Variants in GRM8 observed in about 807,000 individuals in gnomAD.
GRM8 encodes the protein metabotropic glutamate receptor 8.
GRM8 carries 47 observed loss-of-function variants against 87.2 expected under a neutral mutation model. That is an observed-to-expected ratio of 0.54 (90% CI 0.43 to 0.69). GRM8 has a LOEUF of 0.69. GRM8 is among the 30% of genes least tolerant of loss of function. The pLI is 0.00. For synonymous variants in GRM8, 396 were observed against 404.5 expected (o/e 0.98, Z 0.25); for missense variants, 1,019 against 1,139.2 (o/e 0.89, Z 1.52).
In GRM8 at chr7:126,542,003, G is replaced by A. The variant is rs116860395; in HGVS notation, c.1495-8116C>T. 3.0e-4 allele frequency among the ~76,000 whole-genome samples: 46 copies of A among 152,298 alleles called. No homozygotes were observed. In the East Asian group the frequency reaches 8.1e-3, roughly 27 times the overall value. On this transcript the variant is annotated intron_variant, in intron 8 of 10. Coordinates refer to ENST00000339582, the MANE Select transcript of GRM8 (RefSeq NM_000845.3). ...TGGGACATTATCCAATATAACTGAT[G>A]TTTTTACAAGAAGACAGAATTAGGA...
intron 7 of GRM8, among the ~76,000 whole-genome samples, chr7:126,664,245 TC>T (rs1286810504): frequency 6.6e-6 from 1 of 152,184 alleles, no homozygotes. Flanking sequence ...GCTATTCCTA[TC>T]AAATTATCAA....
chr7:126,487,011 C>G (rs1807447818), intron 9 of GRM8, among the ~76,000 whole-genome samples: 1 of 152,050 alleles, frequency 6.6e-6, no homozygotes, highest in African/African-American at 2.4e-5. Context: ...AGAGGTACTA[C>G]AGACTAGTGC....
intron 8 of GRM8, among the ~76,000 whole-genome samples, chr7:126,554,711 T>C (rs955937829): frequency 2.0e-5 from 3 of 152,162 alleles, no homozygotes; most frequent in African/African-American, 7.2e-5. Flanking sequence ...GAAAGTATAG[T>C]TAAACAAAAT....
chr7:126,851,953 G>A lies in GRM8; in HGVS notation c.1156+50589C>T, dbSNP rs746800885. Reference sequence around the variant, plus strand: ...CAGCTGTATAAAGAGTACTCAGTACGTATTTGTTGCTCGAGTGCTGTATTG... The same window carrying A: ...CAGCTGTATAAAGAGTACTCAGTACATATTTGTTGCTCGAGTGCTGTATTG... On this transcript the variant is annotated intron_variant, in intron 6 of 10. Transcript: ENST00000339582. Among the ~76,000 whole-genome samples the A allele has an allele frequency of 4.7e-4, 72 of 152,238 alleles. 1 individual carries two copies. The highest frequency in any genetic ancestry group is 1.1e-3 in the African/African-American group (45 of 41,546).
intron 9 of GRM8, among the ~76,000 whole-genome samples, chr7:126,484,657 C>T (rs1235674784): frequency 2.0e-5 from 3 of 151,994 alleles, no homozygotes; most frequent in Non-Finnish European, 4.4e-5. Context: ...CATATTTTAA[C>T]ATTAGTACAG....
At chr7:127,024,005 C>T (rs17865857) in intron 3 of GRM8, among the ~76,000 whole-genome samples, 1,683 of 152,192 alleles carry the variant, frequency 0.011, 27 homozygotes, top group African/African-American at 0.037. Context: ...TCACGTGTTC[C>T]TTTTGATATT....
intron 7 of GRM8, among the ~76,000 whole-genome samples, chr7:126,620,014 T>C (rs1269722183): frequency 6.7e-6 from 1 of 149,852 alleles, no homozygotes; most frequent in Non-Finnish European, 1.5e-5. Flanking sequence ...TTTTTTAAAA[T>C]GGTTTTCACA....
chr7:126,730,673 C>T (rs777137276), intron 7 of GRM8, among the ~76,000 whole-genome samples: 26 of 151,876 alleles, frequency 1.7e-4, no homozygotes, highest in Non-Finnish European at 2.5e-4. Flanking sequence ...GAGAAGGGAA[C>T]GTGAAAGATA....
chr7:126,756,879 A>C (rs1162654818), intron 7 of GRM8, among the ~76,000 whole-genome samples: 2 of 152,132 alleles, frequency 1.3e-5, no homozygotes, highest in African/African-American at 4.8e-5. Flanking sequence ...CTGCTCTACA[A>C]AATGAAGTTT....
intron 9 of GRM8, among the ~76,000 whole-genome samples, chr7:126,448,926 A>G (rs1802314988): frequency 6.6e-6 from 1 of 151,846 alleles, no homozygotes; most frequent in Non-Finnish European, 1.5e-5. Context: ...AGGAAAAATA[A>G]TAACAGGTAC....
chr7:126,812,069 G>A (rs183971362), intron 6 of GRM8, among the ~76,000 whole-genome samples: 11 of 151,804 alleles, frequency 7.2e-5, no homozygotes, highest in East Asian at 1.9e-4. Context: ...CCCTGAGTTC[G>A]CCACTATGCA....
At chr7:127,142,303 C>T (rs1321901972) in intron 2 of GRM8, among the ~76,000 whole-genome samples, 1 of 152,094 alleles carries the variant, frequency 6.6e-6, no homozygotes, top group South Asian at 2.1e-4. Context: ...ATTTTACTAG[C>T]ATGCAGTTGG....
chr7:126,750,306 A>C (rs1222932535), intron 7 of GRM8, among the ~76,000 whole-genome samples: 4 of 152,142 alleles, frequency 2.6e-5, no homozygotes, highest in Non-Finnish European at 5.9e-5. Flanking sequence ...GTGATTTCTA[A>C]GAAATGGGAT....
At chr7:127,066,264 T>C (rs979943085) in intron 3 of GRM8, among the ~76,000 whole-genome samples, 9 of 152,234 alleles carry the variant, frequency 5.9e-5, no homozygotes, top group African/African-American at 2.2e-4. Context: ...TTACTTAATA[T>C]AGTGCTAACC....
intron 6 of GRM8, among the ~76,000 whole-genome samples, chr7:126,790,429 CAAG>C (rs1821159027): frequency 6.6e-6 from 1 of 152,142 alleles, no homozygotes; most frequent in Admixed American, 6.5e-5. Flanking sequence ...CTCTACTGCC[CAAG>C]AAGTTTACCT....
At chr7:126,811,532 A>T (rs1793294351) in intron 6 of GRM8, among the ~76,000 whole-genome samples, 1 of 151,944 alleles carries the variant, frequency 6.6e-6, no homozygotes, top group African/African-American at 2.4e-5. Flanking sequence ...GTCATCTACA[A>T]TTTATTCATT....
intron 3 of GRM8, chr7:127,076,228 A>G: frequency 4.4e-6 from 2 of 456,526 alleles, no homozygotes; most frequent in South Asian, 3.1e-5. Context: ...CCAAACAGGG[A>G]TGGATAACCT....
At chr7:126,730,177 C>G (rs535315523) in intron 7 of GRM8, among the ~76,000 whole-genome samples, 4 of 152,242 alleles carry the variant, frequency 2.6e-5, no homozygotes, top group African/African-American at 9.6e-5. Context: ...AGATTAGCAA[C>G]AGTTCCACAC....
chr7:126,535,192 G>T (rs555821415), intron 8 of GRM8, among the ~76,000 whole-genome samples: 84 of 152,320 alleles, frequency 5.5e-4, no homozygotes, highest in African/African-American at 1.9e-3. Context: ...ATGTACTCCT[G>T]TGGCCCGCTG....
Sources: allele counts gnomAD v4.1 joint callset (sites outside exome capture counted in the v4.1 genomes callset), GRCh38; gene constraint gnomAD v4.1.1; transcripts MANE v1.5; gene names NCBI Gene and HGNC (gene_info 2026-07-23, HGNC 2026-07-21).